Variants in CDC40 observed in about 807,000 individuals in gnomAD.
The protein encoded by CDC40 is cell division cycle 40.
A neutral mutation model predicts 80.6 loss-of-function variants in CDC40; 27 were observed. The ratio of observed to expected loss-of-function variants is 0.33; its 90% CI spans 0.25 to 0.46. The LOEUF (loss-of-function observed/expected upper bound fraction) is 0.46, where lower values mean the gene tolerates loss of function less well. Among genes scored for constraint, CDC40 ranks in the 20% least tolerant of loss-of-function variants. CDC40 has a pLI of 1.00. For synonymous variants in CDC40, 221 were observed against 232.6 expected (o/e 0.95, Z 0.45); for missense variants, 486 against 694.1 (o/e 0.70, Z 3.37).
At chr6:110,187,152 G>C (rs1331144471) in intron 1 of CDC40, among the ~76,000 whole-genome samples, 2 of 152,062 alleles carry the variant, frequency 1.3e-5, no homozygotes, top group Non-Finnish European at 2.9e-5. Flanking sequence ...CTAATTTTTT[G>C]TATTTTTAGT....
intron 9 of CDC40, among the ~76,000 whole-genome samples, chr6:110,216,255 CAGATTTCATGTGA>C (rs1777698537): frequency 6.6e-6 from 1 of 152,188 alleles, no homozygotes; most frequent in Non-Finnish European, 1.5e-5. Context: ...TTGTCTTTGT[CAGATTTCATGTGA>C]AGGCTAGTTA....
At chr6:110,203,426 C>T (rs1398352102) in intron 3 of CDC40, among the ~76,000 whole-genome samples, 1 of 152,192 alleles carries the variant, frequency 6.6e-6, no homozygotes, top group African/African-American at 2.4e-5. Context: ...TACCTTCCCT[C>T]ATTTGCAAAG....
At chr6:110,183,402 T>C (rs1441614021) in intron 1 of CDC40, among the ~76,000 whole-genome samples, 1 of 152,160 alleles carries the variant, frequency 6.6e-6, no homozygotes, top group East Asian at 1.9e-4. Flanking sequence ...GGACATGCAG[T>C]GGCAGGGATG....
intron 3 of CDC40, 41 bp downstream of exon 3, chr6:110,201,728 T>C (rs1777495755): frequency 1.9e-6 from 3 of 1,581,612 alleles, no homozygotes; most frequent in Non-Finnish European, 2.6e-6. Flanking sequence ...TTTGGCTTTA[T>C]TAGAAGTGTG....
intron 1 of CDC40, among the ~76,000 whole-genome samples, chr6:110,189,450 G>C (rs575371924): frequency 5.9e-5 from 9 of 152,244 alleles, no homozygotes; most frequent in African/African-American, 2.2e-4. Context: ...CTCCATGCTT[G>C]CTTTATAAAT....
intron 3 of CDC40, among the ~76,000 whole-genome samples, chr6:110,202,492 G>A (rs908973044): frequency 2.0e-5 from 3 of 152,148 alleles, no homozygotes; most frequent in African/African-American, 7.2e-5. Context: ...GACTTTTAAA[G>A]ACTTATTGTC....
At chr6:110,210,552 GAAAA>G (rs57785109) in intron 5 of CDC40, among the ~76,000 whole-genome samples, 151 bp from the exon 6 acceptor site, 11 of 64,468 alleles carry the variant, frequency 1.7e-4, no homozygotes, top group African/African-American at 5.2e-4. Context: ...ACTCATCTCA[GAAAA>G]AAAAAAAAAA....
intron 8 of CDC40, among the ~76,000 whole-genome samples, chr6:110,214,520 A>G (rs559266162): frequency 6.6e-6 from 1 of 152,316 alleles, no homozygotes; most frequent in Non-Finnish European, 1.5e-5. Flanking sequence ...GCTGAAAATA[A>G]CAGTTTTGTG....
At chr6:110,228,360 A>G (rs1777892052) in intron 13 of CDC40, among the ~76,000 whole-genome samples, 1 of 152,164 alleles carries the variant, frequency 6.6e-6, no homozygotes. Flanking sequence ...TTAAAAAGTT[A>G]CTATAATTTT....
In CDC40 at chr6:110,228,588, CTT is replaced by C. The variant is rs565066779; in HGVS notation, c.1418-241_1418-240del. Reference sequence around the variant, plus strand: ...CTATATTTCCTTATTTTTTTAAAAACTTTTATATGAGAGTGCTCAATGATATA... The same window carrying C: ...CTATATTTCCTTATTTTTTTAAAAACTTATATGAGAGTGCTCAATGATATA... On this transcript the variant is annotated intron_variant, in intron 13 of 14. Coordinates refer to ENST00000307731, the MANE Select transcript of CDC40 (RefSeq NM_015891.3). Among the ~76,000 whole-genome samples the C allele has an allele frequency of 3.9e-3, 592 of 151,768 alleles. 3 individuals carry two copies. The highest frequency in any genetic ancestry group is 6.0e-3 in the Non-Finnish European group (407 of 67,904).
At chr6:110,193,350 A>T in intron 2 of CDC40, 82 bp downstream of exon 2, 1 of 809,778 alleles carries the variant, frequency 1.2e-6, no homozygotes, top group Non-Finnish European at 2.1e-6. Flanking sequence ...GTGAATTTTT[A>T]AAAGTTTTAT....
chr6:110,180,638 G>A lies in CDC40; in HGVS notation c.189+5G>A, dbSNP rs780789279. On this transcript the variant is annotated splice_donor_5th_base_variant and intron_variant, in intron 1 of 14. Transcript: ENST00000307731. ...GCTCCGGAGGTGGCAGTTAAGGTAA[G>A]CACTTTTGCTACTAATGCAGTGTGG... is the stretch of plus-strand genomic sequence containing the variant. The A allele has an allele frequency of 6.2e-7, 1 of 1,608,436 alleles. No homozygotes were observed. The highest frequency in any genetic ancestry group is 2.2e-5 in the East Asian group (1 of 44,778).
intron 4 of CDC40, among the ~76,000 whole-genome samples, chr6:110,207,826 T>G (rs1278088669): frequency 6.6e-6 from 1 of 152,202 alleles, no homozygotes; most frequent in Admixed American, 6.5e-5. Flanking sequence ...CATATCTCTT[T>G]GAGTTACTTT....
chr6:110,215,198 A>G, intron 8 of CDC40, 88 bp from the exon 9 acceptor site: 1 of 965,852 alleles, frequency 1.0e-6, no homozygotes, highest in Non-Finnish European at 1.7e-6. Context: ...AGATGTGCAC[A>G]CACATAACCA....
At chr6:110,197,481 T>G (rs879272404) in intron 2 of CDC40, among the ~76,000 whole-genome samples, 10 of 152,188 alleles carry the variant, frequency 6.6e-5, no homozygotes, top group Admixed American at 3.3e-4. Context: ...AAGAATACAT[T>G]GTTATTAACT....
intron 2 of CDC40, among the ~76,000 whole-genome samples, chr6:110,198,358 A>G (rs904391730): frequency 6.6e-6 from 1 of 151,760 alleles, no homozygotes; most frequent in African/African-American, 2.4e-5. Flanking sequence ...TGTATTTTTC[A>G]TAGAGATAGG....
intron 2 of CDC40, among the ~76,000 whole-genome samples, chr6:110,198,281 G>A (rs185579154): frequency 2.4e-4 from 36 of 151,464 alleles, no homozygotes; most frequent in African/African-American, 7.5e-4. Context: ...GAGTTCAAGC[G>A]ATTGTCCCAC....
At chr6:110,199,814 A>AT (rs1777472049) in intron 2 of CDC40, among the ~76,000 whole-genome samples, 1 of 152,038 alleles carries the variant, frequency 6.6e-6, no homozygotes, top group Non-Finnish European at 1.5e-5. Context: ...ATTCCCCACC[A>AT]TGCCCCCTCC....
Position 110,231,798 on chromosome 6 carries a change from CG to C in CDC40, c.*1668del, listed in dbSNP as rs554796616. ...TTTTAGAAATTTAGATTTTAAAAGGCGTGGGACATACGACCAGGCCCTATAG... is the reference window on the plus strand; with the variant it reads ...TTTTAGAAATTTAGATTTTAAAAGGCTGGGACATACGACCAGGCCCTATAG... On this transcript the variant is annotated 3_prime_UTR_variant, in exon 15 of 15. Transcript: ENST00000307731. 2.1e-5 allele frequency: 3 copies of C among 145,888 alleles called. No individual in the cohort carries two copies. The South Asian group carries it at 7.0e-4, about 34-fold the overall frequency. 9.0% of individuals were successfully genotyped at this position (145,888 alleles called of 1,614,324 possible). A position where few individuals can be genotyped will look rare whatever the true frequency, so the allele number is the denominator to read the frequency against.
Sources: gnomAD v4.1 joint callset for allele counts (sites outside exome capture counted in the v4.1 genomes callset) on GRCh38, gnomAD v4.1.1 for gene constraint, MANE v1.5 for transcripts, NCBI Gene and HGNC (gene_info 2026-07-23, HGNC 2026-07-21) for gene names.